SYMPK: variants seen among roughly 807,000 people sequenced by gnomAD.
SYMPK encodes the protein symplekin.
A neutral mutation model predicts 136.4 loss-of-function variants in SYMPK; 49 were observed. That is an observed-to-expected ratio of 0.36 (90% CI 0.29 to 0.46). The LOEUF is 0.46. Ranked by LOEUF, SYMPK falls within the 20% of genes least tolerant of loss-of-function variation. SYMPK has a pLI of 1.00. For synonymous variants in SYMPK, 766 were observed against 713.0 expected, an observed-to-expected ratio of 1.07 and a Z score of -1.19; for missense variants, 1,365 against 1,690.0, an observed-to-expected ratio of 0.81 and a Z score of 3.37.
At chr19:45,849,714 T>C (rs1196156191) in intron 5 of SYMPK, among the ~76,000 whole-genome samples, 3 of 152,118 alleles carry the variant, frequency 2.0e-5, no homozygotes, top group Admixed American at 6.6e-5. Flanking sequence ...AATGGGGAGA[T>C]AGGATATTTG....
intron 21 of SYMPK, 49 bp downstream of exon 21, chr19:45,822,707 C>T (rs374591222): frequency 6.5e-7 from 1 of 1,548,372 alleles, no homozygotes; most frequent in Non-Finnish European, 8.9e-7. Context: ...TCTGCCCCAG[C>T]ACCTGGGGTG....
At chr19:45,861,118 T>C (rs544045457) in intron 1 of SYMPK, among the ~76,000 whole-genome samples, 7 of 152,248 alleles carry the variant, frequency 4.6e-5, no homozygotes, top group African/African-American at 1.2e-4. Flanking sequence ...AGGCCGGGCA[T>C]GGTGGCTCAC....
chr19:45,863,008 T>C (rs1972012597), intron 1 of SYMPK, 50 bp downstream of exon 1: 2 of 401,058 alleles, frequency 5.0e-6, no homozygotes. Flanking sequence ...CCTGCTTCTT[T>C]AGGAGCCTCC....
At chr19:45,831,698 G>A in intron 11 of SYMPK, 110 bp from the exon 12 acceptor site, 1 of 786,090 alleles carries the variant, frequency 1.3e-6, no homozygotes, top group Non-Finnish European at 1.9e-6. Flanking sequence ...ACAAAACCTC[G>A]TTTAAATCCA....
chr19:45,837,201 C>T (rs985682572), intron 10 of SYMPK, among the ~76,000 whole-genome samples: 7 of 152,142 alleles, frequency 4.6e-5, no homozygotes, highest in Non-Finnish European at 2.9e-5. Flanking sequence ...GTAGTAGCAA[C>T]AGAAAAGGGG....
chr19:45,822,670 CCT>C lies in SYMPK; in HGVS notation c.2791+84_2791+85del. On this transcript the variant is annotated intron_variant, in intron 21 of 26. Transcript: ENST00000245934. ...CAGGGAGCAGGATGTGCCCTCTCTC[CCT>C]GAGGGGGGTGCCTGCACCTTGCCTT... is the stretch of plus-strand genomic sequence containing the variant. 4 of 1,148,802 alleles carry C rather than the reference CCT, an allele frequency of 3.5e-6. No individual in the cohort carries two copies. In the Admixed American group the frequency reaches 7.2e-5, roughly 21 times the overall value. The allele number at this position is 1,148,802 out of a possible 1,614,324, so 71.2% of individuals were successfully genotyped here.
intron 23 of SYMPK, among the ~76,000 whole-genome samples, chr19:45,817,722 C>T (rs139641658): frequency 1.6e-4 from 24 of 152,356 alleles, no homozygotes; most frequent in Admixed American, 2.6e-4. Context: ...ATGCCTCTCC[C>T]GGGTGCACAC....
intron 20 of SYMPK, 87 bp from the exon 21 acceptor site, chr19:45,822,933 G>T: frequency 9.1e-7 from 1 of 1,093,490 alleles, no homozygotes; most frequent in Non-Finnish European, 1.4e-6. Context: ...TGCTCGCCCT[G>T]GGGAGCTGAG....
intron 11 of SYMPK, among the ~76,000 whole-genome samples, chr19:45,832,855 C>CAAAAAAAAAAAA (rs10561490): frequency 8.4e-6 from 1 of 118,662 alleles, no homozygotes. Context: ...ACTAAAAATA[C>CAAAAAAAAAAAA]AAAAAAAAAA....
intron 5 of SYMPK, among the ~76,000 whole-genome samples, chr19:45,849,983 T>G (rs1971659894): frequency 6.6e-6 from 1 of 151,972 alleles, no homozygotes; most frequent in Admixed American, 6.6e-5. Context: ...TGGTGGAGGT[T>G]GCAGTTAGCC....
intron 11 of SYMPK, 81 bp downstream of exon 11, chr19:45,834,997 A>G: frequency 7.5e-7 from 1 of 1,326,962 alleles, no homozygotes; most frequent in Non-Finnish European, 1.0e-6. Flanking sequence ...CTGCACCACG[A>G]GAAGTTGCTC....
At chr19:45,831,323 T>G in intron 12 of SYMPK, 61 bp downstream of exon 12, 31 of 1,385,306 alleles carry the variant, frequency 2.2e-5, no homozygotes, top group Non-Finnish European at 2.6e-5. Context: ...GCACACGAGC[T>G]GAGAACCAGA....
chr19:45,860,173 C>T lies in SYMPK; in HGVS notation c.-13+2885G>A, dbSNP rs901560242. The stretch of plus-strand genomic sequence containing the variant: ...ATAATCAGTTAATATATATTGAACA[C>T]GGCCGGGCACGGTGGCTCAAGCCTA... On this transcript the variant is annotated intron_variant, in intron 1 of 26. Coordinates refer to ENST00000245934, the MANE Select transcript of SYMPK (RefSeq NM_004819.3). Among the ~76,000 whole-genome samples the T allele has an allele frequency of 9.9e-5, 15 of 151,332 alleles. 1 individual carries two copies. Among genetic ancestry groups the T allele is most frequent in the African/African-American group, 2.7e-4 (11 of 41,194 alleles).
chr19:45,832,377 G>A (rs1971203022), intron 11 of SYMPK, among the ~76,000 whole-genome samples: 1 of 150,532 alleles, frequency 6.6e-6, no homozygotes, highest in Non-Finnish European at 1.5e-5. Flanking sequence ...GCTGACCTCA[G>A]GTGATCCACC....
Position 45,831,367 on chromosome 19 carries a change from C to A in SYMPK, c.1598+17G>T. On this transcript the variant is annotated intron_variant, in intron 12 of 26. Coordinates refer to ENST00000245934, the MANE Select transcript of SYMPK (RefSeq NM_004819.3). ...GTAGGGCTCCTGTCCTGCCCTAGCA[C>A]CCAGAAGAGGACTCACCGGGGCTGA... 2.0e-6 allele frequency: 3 copies of A among 1,522,146 alleles called. No individual in the cohort carries two copies. The highest frequency in any genetic ancestry group is 2.7e-6 in the Non-Finnish European group (3 of 1,131,904). The allele number at this position is 1,522,146 out of a possible 1,614,324, so 94.3% of individuals were successfully genotyped here.
In SYMPK at chr19:45,821,172, C is replaced by T. The variant is rs568857773; in HGVS notation, c.2893+212G>A. 2.3e-6 allele frequency: 1 copy of T among 430,138 alleles called. No homozygotes were observed. Among genetic ancestry groups the T allele is most frequent in the African/African-American group, 2.5e-5 (1 of 40,190 alleles). 26.6% of individuals were successfully genotyped at this position (430,138 alleles called of 1,614,324 possible). ...AAAGGTGGGTTGTAAAGGGTAAAAC[C>T]TGGGAGGAAGGAAGGAGGAGGGAGG... On this transcript the variant is annotated intron_variant, in intron 22 of 26. Coordinates refer to ENST00000245934, the MANE Select transcript of SYMPK (RefSeq NM_004819.3). The surrounding 1 kb of genome is among the most constrained non-coding windows in gnomAD (Gnocchi z 4.4).
At chr19:45,827,408 A>G (rs1971067576) in intron 16 of SYMPK, 102 bp downstream of exon 16, 2 of 757,032 alleles carry the variant, frequency 2.6e-6, no homozygotes, top group Non-Finnish European at 4.6e-6. Context: ...GCCCAGAGAA[A>G]CTTGCAAGGG....
chr19:45,852,236 G>T, intron 5 of SYMPK, 76 bp downstream of exon 5: 10 of 1,479,218 alleles, frequency 6.8e-6, no homozygotes, highest in Non-Finnish European at 8.5e-6. Context: ...TCTCAGTGGT[G>T]GCCTCCAGGC....
At chr19:45,859,491 T>C (rs1384591016) in intron 1 of SYMPK, among the ~76,000 whole-genome samples, 1 of 151,944 alleles carries the variant, frequency 6.6e-6, no homozygotes, top group African/African-American at 2.4e-5. Context: ...TCCCAGCTAC[T>C]TGGGAGGCTG....
Sources: gnomAD v4.1 joint callset for allele counts (sites outside exome capture counted in the v4.1 genomes callset) on GRCh38, gnomAD v4.1.1 for gene constraint, Gnocchi (gnomAD v3.1) non-coding constraint, MANE v1.5 for transcripts, NCBI Gene and HGNC (gene_info 2026-07-23, HGNC 2026-07-21) for gene names.